The following KLHL7 variants were observed in gnomAD, a reference collection of about 807,000 sequenced individuals.
KLHL7 encodes the protein kelch like family member 7, also known as kelch-like protein 7.
KLHL7 carries 44 observed loss-of-function variants against 67.4 expected under a neutral mutation model. The ratio of observed to expected loss-of-function variants is 0.65; its 90% CI spans 0.51 to 0.84. The LOEUF is 0.84. KLHL7 is among the 40% of genes least tolerant of loss of function. The probability of loss-of-function intolerance (pLI) is 0.00; values close to 1 mark genes in which losing one functional copy is unlikely to be tolerated. For synonymous variants in KLHL7, 252 were observed against 243.3 expected, an observed-to-expected ratio of 1.04 and a Z score of -0.33; for missense variants, 362 against 718.1, an observed-to-expected ratio of 0.50 and a Z score of 5.67.
chr7:23,159,340 A>AT (rs1554291912), intron 7 of KLHL7, among the ~76,000 whole-genome samples: 5 of 151,852 alleles, frequency 3.3e-5, no homozygotes, highest in South Asian at 2.1e-4. Context: ...TTTAAAAAAA[A>AT]TTTTTTTGTG....
At position 23,116,721 on chromosome 7, in the gene KLHL7, G is replaced by A. The variant is rs77982996; in HGVS notation, c.121-7056G>A. On this transcript the variant is annotated intron_variant, in intron 1 of 10. Coordinates refer to ENST00000339077, the MANE Select transcript of KLHL7 (RefSeq NM_001031710.3). ...GCCAGCCGTCACTACTCTCAGAAAG[G>A]TAATTCTAATTGTGGGGATGTCCAG... Among the ~76,000 whole-genome samples the A allele has an allele frequency of 8.2e-3, 1,244 of 152,242 alleles. 29 individuals are homozygous for A. Among genetic ancestry groups the A allele is most frequent in the Non-Finnish European group, 5.0e-3 (339 of 68,014 alleles).
intron 1 of KLHL7, chr7:23,118,085 T>A: frequency 2.4e-6 from 3 of 1,240,024 alleles, no homozygotes; most frequent in Non-Finnish European, 3.4e-6. Context: ...ATACAGTGCT[T>A]TAGCACTTAC....
intron 4 of KLHL7, chr7:23,129,362 C>T (rs1292102458): frequency 2.7e-6 from 1 of 373,376 alleles, no homozygotes; most frequent in East Asian, 9.2e-5. Context: ...CTTTTCTTGA[C>T]CAAGGGAAAC....
intron 4 of KLHL7, among the ~76,000 whole-genome samples, chr7:23,126,775 G>A (rs1490833988): frequency 6.6e-6 from 1 of 152,168 alleles, no homozygotes; most frequent in Non-Finnish European, 1.5e-5. Context: ...CAGGTGAAGG[G>A]AATAAAAATG....
At position 23,172,940 on chromosome 7, in the gene KLHL7, T is replaced by A. The variant is rs1785207324; in HGVS notation, c.1380-8T>A. ...AAACAAGCACACTAAAAACTTTAAT[T>A]TTTTCAGATGGACTGAGCTGTGTCC... is the stretch of plus-strand genomic sequence containing the variant. On this transcript the variant is annotated splice_polypyrimidine_tract_variant and splice_region_variant and intron_variant, in intron 9 of 10. Transcript: ENST00000339077. 6.2e-7 allele frequency: 1 copy of A among 1,610,970 alleles called. No homozygotes were observed. Among genetic ancestry groups the A allele is most frequent in the Non-Finnish European group, 8.5e-7 (1 of 1,177,216 alleles).
In KLHL7 at chr7:23,177,844, G is replaced by A. The variant is rs1415466466; in HGVS notation, c.*3546G>A. The A allele has an allele frequency of 2.0e-5, 3 of 152,104 alleles. No individual in the cohort carries two copies. The highest frequency in any genetic ancestry group is 7.2e-5 in the African/African-American group (3 of 41,416). The allele number at this position is 152,104 out of a possible 1,614,324, so 9.4% of individuals were successfully genotyped here. A position where few individuals can be genotyped will look rare whatever the true frequency, so the allele number is the denominator to read the frequency against. ...TCATCCCATGAAAATTTTAAGTCATGAATTATTTTGACATGACAATATTGC... is the reference window on the plus strand; with the variant it reads ...TCATCCCATGAAAATTTTAAGTCATAAATTATTTTGACATGACAATATTGC... On this transcript the variant is annotated 3_prime_UTR_variant, in exon 11 of 11. Transcript: ENST00000339077.
chr7:23,121,617 G>A (rs1490661976), intron 1 of KLHL7, among the ~76,000 whole-genome samples: 1 of 151,422 alleles, frequency 6.6e-6, no homozygotes, highest in Non-Finnish European at 1.5e-5. Context: ...TCTTGTCTGT[G>A]GATATACCTT....
chr7:23,111,461 T>G (rs1397789390), intron 1 of KLHL7, among the ~76,000 whole-genome samples: 1 of 152,180 alleles, frequency 6.6e-6, no homozygotes, highest in African/African-American at 2.4e-5. Context: ...TATTCTAAAA[T>G]CTGTGTATGC....
rs183852191 is a variant in KLHL7, at chr7:23,139,119, G to A, written c.443-1650G>A. 2.6e-3 allele frequency among the ~76,000 whole-genome samples: 381 copies of A among 148,944 alleles called. 1 individual carries two copies. Among genetic ancestry groups the A allele is most frequent in the African/African-American group, 9.0e-3 (358 of 39,976 alleles). On this transcript the variant is annotated intron_variant, in intron 4 of 10. Coordinates refer to ENST00000339077, the MANE Select transcript of KLHL7 (RefSeq NM_001031710.3). The stretch of plus-strand genomic sequence containing the variant: ...AAAAAAAAAAACAAGAATACCCCTC[G>A]TGTGGAATGGGGATAGTGGGAAAGG...
chr7:23,106,885 A>T, intron 1 of KLHL7: 1 of 872,744 alleles, frequency 1.1e-6, no homozygotes, highest in Non-Finnish European at 1.4e-6. Context: ...TACACCGATA[A>T]GCATAGAAAG....
In KLHL7 at chr7:23,176,653, C is replaced by CA. The variant is rs1039158424; in HGVS notation, c.*2356dup. On this transcript the variant is annotated 3_prime_UTR_variant, in exon 11 of 11. Coordinates refer to ENST00000339077, the MANE Select transcript of KLHL7 (RefSeq NM_001031710.3). ...TGCCACTGCACTCCAGCCTGGGTGA[C>CA]AGACTGAGACCCTGTCTCATTAAAA... The CA allele has an allele frequency of 2.0e-5, 3 of 148,576 alleles. No individual in the cohort carries two copies. Among genetic ancestry groups the CA allele is most frequent in the Non-Finnish European group, 4.4e-5 (3 of 67,834 alleles). The allele number at this position is 148,576 out of a possible 1,614,324, so 9.2% of individuals were successfully genotyped here. A position where few individuals can be genotyped will look rare whatever the true frequency, so the allele number is the denominator to read the frequency against.
intron 4 of KLHL7, among the ~76,000 whole-genome samples, chr7:23,137,224 G>T (rs931188266): frequency 6.6e-6 from 1 of 152,220 alleles, no homozygotes; most frequent in Non-Finnish European, 1.5e-5. Context: ...GGCGGAGGTT[G>T]CAGTGAGCTG....
chr7:23,148,404 AAAAAAACAGCAGCCC>A (rs1277720931), intron 6 of KLHL7, among the ~76,000 whole-genome samples: 1 of 115,366 alleles, frequency 8.7e-6, no homozygotes, highest in East Asian at 2.2e-4. Context: ...TTAAAAAAAA[AAAAAAACAGCAGCCC>A]CAAAGCTACT....
intron 6 of KLHL7, among the ~76,000 whole-genome samples, chr7:23,149,301 G>GA (rs1427824688): frequency 9.9e-5 from 15 of 151,678 alleles, no homozygotes; most frequent in African/African-American, 1.9e-4. Context: ...TCTTGGGGAG[G>GA]AAAAAAAAGG....
chr7:23,137,048 G>A lies in KLHL7; in HGVS notation c.443-3721G>A, dbSNP rs142949203. Among the ~76,000 whole-genome samples the A allele has an allele frequency of 3.2e-3, 480 of 152,340 alleles. 2 individuals carry two copies. The highest frequency in any genetic ancestry group is 0.011 in the African/African-American group (464 of 41,584). ...ACCTGTAATCCCAGCACTTTGGGAGGCCAAGGTGGGCGGATCACCTGAGGT... is the reference window on the plus strand; with the variant it reads ...ACCTGTAATCCCAGCACTTTGGGAGACCAAGGTGGGCGGATCACCTGAGGT... On this transcript the variant is annotated intron_variant, in intron 4 of 10. Coordinates refer to ENST00000339077, the MANE Select transcript of KLHL7 (RefSeq NM_001031710.3).
intron 7 of KLHL7, among the ~76,000 whole-genome samples, chr7:23,155,694 T>C (rs1784683259): frequency 1.3e-5 from 2 of 151,782 alleles, no homozygotes; most frequent in East Asian, 1.9e-4. Flanking sequence ...AAAACAAAAA[T>C]TGTAATCCTA....
At chr7:23,167,553 A>T (rs1785035311) in intron 8 of KLHL7, among the ~76,000 whole-genome samples, 1 of 152,148 alleles carries the variant, frequency 6.6e-6, no homozygotes. Context: ...AAGGCTTCTT[A>T]TTTAATTTTT....
intron 6 of KLHL7, among the ~76,000 whole-genome samples, chr7:23,146,821 T>C (rs1357931011): frequency 1.3e-5 from 2 of 152,108 alleles, no homozygotes; most frequent in Admixed American, 1.3e-4. Context: ...TAAATTTCCA[T>C]ATATCTATAT....
intron 1 of KLHL7, among the ~76,000 whole-genome samples, chr7:23,115,457 T>C (rs1783044486): frequency 6.6e-6 from 1 of 152,220 alleles, no homozygotes; most frequent in Non-Finnish European, 1.5e-5. Flanking sequence ...TCTTCCATGC[T>C]TATAGGGGCA....
Sources: gnomAD v4.1 joint callset for allele counts (sites outside exome capture counted in the v4.1 genomes callset) on GRCh38, gnomAD v4.1.1 for gene constraint, MANE v1.5 for transcripts, NCBI Gene and HGNC (gene_info 2026-07-23, HGNC 2026-07-21) for gene names.